Variants in CELF2 observed in about 807,000 individuals in gnomAD.
CELF2 encodes the protein CUGBP Elav-like family member 2, also known as CUG triplet repeat RNA-binding protein 2.
In CELF2, 8 loss-of-function variants were observed where a neutral mutation model predicts 62.6. That is an observed-to-expected ratio of 0.13 (90% CI 0.07 to 0.23). The LOEUF (loss-of-function observed/expected upper bound fraction) is 0.23, where lower values mean the gene tolerates loss of function less well. Among genes scored for constraint, CELF2 ranks in the 10% least tolerant of loss-of-function variants. CELF2 has a pLI of 1.00. For missense variants in CELF2, 333 were observed against 671.0 expected, an observed-to-expected ratio of 0.50 and a Z score of 5.56; for synonymous variants, 258 against 250.0, an observed-to-expected ratio of 1.03 and a Z score of -0.30.
chr10:11,187,402 G>A (rs912042669), intron 2 of CELF2, among the ~76,000 whole-genome samples: 6 of 152,046 alleles, frequency 3.9e-5, no homozygotes, highest in Admixed American at 3.9e-4. Flanking sequence ...CTCTTCACGT[G>A]TATGTATCTG....
chr10:11,004,544 G>C (rs1313273858), upstream of CELF2, among the ~76,000 whole-genome samples: 1 of 152,078 alleles, frequency 6.6e-6, no homozygotes, highest in Non-Finnish European at 1.5e-5. This position sits in a 1 kb window ranked among gnomAD's most constrained non-coding sequence, Gnocchi z 5.0. Flanking sequence ...GCGAAGCCTG[G>C]TAGGAAAGCA....
intron 3 of CELF2, among the ~76,000 whole-genome samples, chr10:11,232,639 A>G (rs1234159196): frequency 1.3e-5 from 2 of 152,150 alleles, no homozygotes; most frequent in African/African-American, 4.8e-5. Flanking sequence ...ATGTGCCTTG[A>G]TGATGTTGCC....
rs1053083930 is a variant in CELF2, at chr10:10,928,961, A to T, written c.89+8962A>T. 6.6e-6 allele frequency among the ~76,000 whole-genome samples: 1 copy of T among 152,342 alleles called. No individual in the cohort carries two copies. Among genetic ancestry groups the T allele is most frequent in the East Asian group, 1.9e-4 (1 of 5,180 alleles). Reference sequence around the variant, plus strand: ...AATGAATTAATAAGTGTTTGAATGGATTAATAAATGTTTAAATCAATGAAT... The same window carrying T: ...AATGAATTAATAAGTGTTTGAATGGTTTAATAAATGTTTAAATCAATGAAT... On this transcript the variant is annotated intron_variant, in intron 2 of 13. Coordinates refer to the CELF2 transcript ENST00000636488. This position sits in a 1 kb window ranked among gnomAD's most constrained non-coding sequence, Gnocchi z 4.8.
At chr10:10,690,708 C>A in the CELF2 span, among the ~76,000 whole-genome samples, 1 of 152,018 alleles carries the variant, frequency 6.6e-6, no homozygotes, top group Non-Finnish European at 1.5e-5. Context: ...GGTGAAACCC[C>A]ATCTCTACTA....
At chr10:11,004,077 T>C (rs904148980), upstream of CELF2, among the ~76,000 whole-genome samples, 8 of 152,192 alleles carry the variant, frequency 5.3e-5, 1 homozygote, top group Admixed American at 2.0e-4. The surrounding 1 kb of genome is among the most constrained non-coding windows in gnomAD (Gnocchi z 5.0). Context: ...TAGCTGTGGA[T>C]CAAGACCAAG....
At chr10:10,641,481 T>A in the CELF2 span, among the ~76,000 whole-genome samples, 1 of 152,120 alleles carries the variant, frequency 6.6e-6, no homozygotes, top group Non-Finnish European at 1.5e-5. Flanking sequence ...GTTCTTCTTG[T>A]CCAGGCTGGA....
chr10:10,780,462 T>C, the CELF2 span, among the ~76,000 whole-genome samples: 2 of 48,422 alleles, frequency 4.1e-5, no homozygotes, highest in African/African-American at 1.1e-4. Flanking sequence ...AACGTTTGTT[T>C]GTTTGTTTGT....
At chr10:10,678,751 G>T in the CELF2 span, among the ~76,000 whole-genome samples, 4 of 152,206 alleles carry the variant, frequency 2.6e-5, no homozygotes, top group Non-Finnish European at 4.4e-5. Flanking sequence ...TGATTAAATA[G>T]GGGGTGAGAT....
intron 2 of CELF2, among the ~76,000 whole-genome samples, chr10:10,948,816 A>G (rs2047985295): frequency 6.6e-6 from 1 of 152,090 alleles, no homozygotes; most frequent in African/African-American, 2.4e-5. Flanking sequence ...CAAACTCTCC[A>G]TGGTCCTTCT....
At chr10:10,741,825 C>G in the CELF2 span, among the ~76,000 whole-genome samples, 2 of 152,118 alleles carry the variant, frequency 1.3e-5, no homozygotes, top group African/African-American at 2.4e-5. Flanking sequence ...GCAAGTATCC[C>G]GATTCCTCCT....
chr10:10,725,663 G>A, the CELF2 span, among the ~76,000 whole-genome samples: 1 of 151,986 alleles, frequency 6.6e-6, no homozygotes, highest in Non-Finnish European at 1.5e-5. Flanking sequence ...TGTCAACTTG[G>A]GCCAATAATA....
the CELF2 span, among the ~76,000 whole-genome samples, chr10:10,760,072 T>C: frequency 1.3e-5 from 2 of 152,100 alleles, no homozygotes; most frequent in Non-Finnish European, 2.9e-5. Context: ...GCCTGGCTAA[T>C]TTTCTGTTTT....
intron 1 of CELF2, among the ~76,000 whole-genome samples, chr10:11,054,493 G>T (rs944779938): frequency 4.7e-5 from 6 of 126,754 alleles, no homozygotes; most frequent in Non-Finnish European, 9.8e-5. Flanking sequence ...GTGTGTTTGT[G>T]TGTGTGTGTG....
At chr10:10,825,272 C>G (rs552881799) in intron 1 of CELF2, among the ~76,000 whole-genome samples, 13 of 152,172 alleles carry the variant, frequency 8.5e-5, no homozygotes, top group Non-Finnish European at 1.6e-4. Flanking sequence ...TGCAGTGGCG[C>G]GATCTCGACT....
chr10:10,577,132 A>T, the CELF2 span, among the ~76,000 whole-genome samples: 1 of 152,228 alleles, frequency 6.6e-6, no homozygotes, highest in East Asian at 1.9e-4. Flanking sequence ...AGCAAGAAGC[A>T]AACTGCATTG....
At chr10:10,749,020 G>A in the CELF2 span, among the ~76,000 whole-genome samples, 1 of 152,170 alleles carries the variant, frequency 6.6e-6, no homozygotes, top group Admixed American at 6.5e-5. Flanking sequence ...CTGAGATCGG[G>A]AGAAGGGAGA....
Position 11,270,473 on chromosome 10 carries a change from C to T in CELF2, c.619-193C>T, listed in dbSNP as rs374302810. On this transcript the variant is annotated intron_variant, in intron 6 of 12. Transcript: ENST00000633077. This position sits in a 1 kb window ranked among gnomAD's most constrained non-coding sequence, Gnocchi z 5.8. ...CCGACCACCAGATCCCCCAAAGAAA[C>T]CACTGGCAGTGTCTGGAATTTTCTG... 1.3e-5 allele frequency among the ~76,000 whole-genome samples: 2 copies of T among 152,202 alleles called. No individual in the cohort carries two copies. Among genetic ancestry groups the T allele is most frequent in the Non-Finnish European group, 2.9e-5 (2 of 68,026 alleles).
In CELF2 at chr10:11,321,121, A is replaced by G; in HGVS notation, c.1097-68A>G. The G allele has an allele frequency of 6.5e-7, 1 of 1,528,430 alleles. No individual in the cohort carries two copies. The highest frequency in any genetic ancestry group is 9.1e-7 in the Non-Finnish European group (1 of 1,104,078). The allele number at this position is 1,528,430 out of a possible 1,614,324, so 94.7% of individuals were successfully genotyped here. A position where few individuals can be genotyped will look rare whatever the true frequency, so the allele number is the denominator to read the frequency against. ...TTGTACTGTGTTTAAATGATTCTCTAACTTCCTTTGGAAAGCACTAATGAA... is the reference window on the plus strand; with the variant it reads ...TTGTACTGTGTTTAAATGATTCTCTGACTTCCTTTGGAAAGCACTAATGAA... On this transcript the variant is annotated intron_variant, in intron 10 of 12. Transcript: ENST00000633077. This position sits in a 1 kb window ranked among gnomAD's most constrained non-coding sequence, Gnocchi z 6.2.
rs766610042 is a variant in CELF2 at position 11,270,725 on chromosome 10, G to A, written c.678G>A (p.Arg226=). The change falls in exon 7 of 13, where the codon AGG becomes AGA. Residue 226 remains arginine, a synonymous_variant. Coordinates refer to ENST00000633077, the MANE Select transcript of CELF2 (RefSeq NM_001326342.2). This position sits in a 1 kb window ranked among gnomAD's most constrained non-coding sequence, Gnocchi z 5.8. ...ACACTCAGAAGGACAAAGAGCAAAG[G>A]CGCCTCCAGCAGCAGCTCGCTCAGC... ...FADTQKDKEQ[R]RLQQQLAQQM... 24 of 1,564,684 alleles carry A rather than the reference G, an allele frequency of 1.5e-5. No individual in the cohort carries two copies. In the East Asian group the frequency reaches 5.5e-4, roughly 36 times the overall value.
Sources: allele counts gnomAD v4.1 joint callset (sites outside exome capture counted in the v4.1 genomes callset), GRCh38; gene constraint gnomAD v4.1.1; non-coding constraint Gnocchi (gnomAD v3.1); transcripts MANE v1.5; gene names NCBI Gene and HGNC (gene_info 2026-07-23, HGNC 2026-07-21).